GPR55: variants seen among roughly 807,000 people sequenced by gnomAD.
GPR55 encodes G-protein coupled receptor 55.
Under a neutral mutation model 7.9 loss-of-function variants are expected in GPR55, and 6 were observed. That is an observed-to-expected ratio of 0.76 (90% CI 0.41 to 1.49). The LOEUF (loss-of-function observed/expected upper bound fraction) is 1.49, where lower values mean the gene tolerates loss of function less well. Among genes scored for constraint, GPR55 ranks in the 40% most tolerant of loss-of-function variants. The probability of loss-of-function intolerance (pLI) is 0.01; values close to 1 mark genes in which losing one functional copy is unlikely to be tolerated. For synonymous variants in GPR55, 183 were observed against 166.8 expected (o/e 1.10, Z -0.75); for missense variants, 376 against 406.0 (o/e 0.93, Z 0.63).
chr2:230,919,975 G>A (rs878879115), intron 1 of GPR55, among the ~76,000 whole-genome samples: 1 of 145,156 alleles, frequency 6.9e-6, no homozygotes, highest in Non-Finnish European at 1.5e-5. Flanking sequence ...AAAAACCCAC[G>A]CATAGAGGGG....
At chr2:230,950,695 A>C (rs1016783198) in intron 1 of GPR55, among the ~76,000 whole-genome samples, 1 of 152,182 alleles carries the variant, frequency 6.6e-6, no homozygotes, top group Non-Finnish European at 1.5e-5. Flanking sequence ...CGGAACCCCC[A>C]TAGTCCCTGT....
intron 1 of GPR55, among the ~76,000 whole-genome samples, chr2:230,951,675 C>T (rs540046906): frequency 6.6e-6 from 1 of 152,106 alleles, no homozygotes; most frequent in South Asian, 2.1e-4. Flanking sequence ...GGGATCTTGA[C>T]AACTGAGGGT....
chr2:230,916,217 G>GA (rs1053229361), intron 1 of GPR55, among the ~76,000 whole-genome samples: 2 of 151,088 alleles, frequency 1.3e-5, no homozygotes, highest in Non-Finnish European at 3.0e-5. Context: ...CTCCAAAAAA[G>GA]AAAAAAAAAT....
At chr2:230,950,685 C>G (rs1476669846) in intron 1 of GPR55, among the ~76,000 whole-genome samples, 4 of 152,150 alleles carry the variant, frequency 2.6e-5, no homozygotes, top group African/African-American at 4.8e-5. Flanking sequence ...GTTTCTGGCT[C>G]GGAACCCCCA....
intron 1 of GPR55, among the ~76,000 whole-genome samples, chr2:230,951,130 CTTGAA>C (rs1374187748): frequency 3.9e-5 from 6 of 152,200 alleles, no homozygotes; most frequent in African/African-American, 1.4e-4. Flanking sequence ...GGAACCCCAA[CTTGAA>C]GTTGGTCGGT....
At chr2:230,952,464 G>T (rs930332613) in intron 1 of GPR55, among the ~76,000 whole-genome samples, 9 of 152,164 alleles carry the variant, frequency 5.9e-5, no homozygotes, top group African/African-American at 2.2e-4. Context: ...ATGTCCTGTT[G>T]TGTGATCTGG....
At chr2:230,943,001 T>TGAAGAGAAGA (rs10652349) in intron 1 of GPR55, among the ~76,000 whole-genome samples, 36 of 149,590 alleles carry the variant, frequency 2.4e-4, no homozygotes, top group African/African-American at 7.2e-4. Context: ...CCTTGTGACC[T>TGAAGAGAAGA]GAAGAGAAGA....
intron 1 of GPR55, among the ~76,000 whole-genome samples, chr2:230,915,399 G>A (rs1690686563): frequency 6.6e-6 from 1 of 152,192 alleles, no homozygotes. Context: ...AGGGATGGGT[G>A]GGTGCCTTCG....
At chr2:230,917,880 C>T (rs1197516126) in intron 1 of GPR55, among the ~76,000 whole-genome samples, 1 of 151,186 alleles carries the variant, frequency 6.6e-6, no homozygotes, top group African/African-American at 2.4e-5. Flanking sequence ...GTGAGAACTA[C>T]AAAACTAAAT....
intron 1 of GPR55, among the ~76,000 whole-genome samples, chr2:230,940,480 A>G (rs1691208754): frequency 6.6e-6 from 1 of 152,206 alleles, no homozygotes; most frequent in Non-Finnish European, 1.5e-5. Context: ...GAAGGCGCTT[A>G]TCAAGACTGA....
At position 230,910,443 on chromosome 2, in the gene GPR55, C is replaced by A. The variant is rs1690562431; in HGVS notation, c.520G>T (p.Asp174Tyr). ...AAGACCTTGGCGCTCCAGGTATCAT[C>A]AGACATGTTGTGGAAGCACATGTAT... ...EKYMCFHNMSDDTWSAKVFFP... is the reference protein window; with the variant it reads ...EKYMCFHNMSYDTWSAKVFFP... The change falls in exon 2 of 2, where the codon GAT becomes TAT. Residue 174 changes from aspartate (D) to tyrosine (Y), a missense_variant. By Grantham distance (160) the Asp-to-Tyr change is radical. Coordinates refer to ENST00000650999, the MANE Select transcript of GPR55 (RefSeq NM_005683.4). This position sits in a 1 kb window ranked among gnomAD's most constrained non-coding sequence, Gnocchi z 5.4. The A allele has an allele frequency of 6.2e-7, 1 of 1,613,772 alleles. No homozygotes were observed. The highest frequency in any genetic ancestry group is 1.3e-5 in the African/African-American group (1 of 74,908).
intron 1 of GPR55, among the ~76,000 whole-genome samples, chr2:230,939,767 T>C (rs77162101): frequency 0.024 from 3,712 of 152,062 alleles, 142 homozygotes; most frequent in African/African-American, 0.085. Context: ...GGAGATAGTG[T>C]GGAAGTTGAA....
chr2:230,956,485 A>T (rs78174946), intron 1 of GPR55, among the ~76,000 whole-genome samples: 10,438 of 152,224 alleles, frequency 0.069, 759 homozygotes, highest in East Asian at 0.4. Flanking sequence ...AATTTTTTTA[A>T]ATATCAAACT....
intron 1 of GPR55, among the ~76,000 whole-genome samples, chr2:230,956,998 A>G (rs1471460506): frequency 1.3e-5 from 2 of 152,048 alleles, no homozygotes; most frequent in African/African-American, 4.8e-5. Context: ...ACTGCCGCCA[A>G]TCAGAAGTAG....
chr2:230,937,188 G>A (rs1038265599), intron 1 of GPR55, among the ~76,000 whole-genome samples: 1 of 152,066 alleles, frequency 6.6e-6, no homozygotes, highest in Non-Finnish European at 1.5e-5. Flanking sequence ...GATTGCTTGA[G>A]GCCAGGAGTT....
upstream of GPR55, among the ~76,000 whole-genome samples, chr2:230,925,685 A>G (rs1338035440): frequency 6.6e-6 from 1 of 152,082 alleles, no homozygotes; most frequent in Non-Finnish European, 1.5e-5. Context: ...TGCCCACAGA[A>G]AGGAAAGGAA....
At chr2:230,916,746 A>C (rs1456128538) in intron 1 of GPR55, among the ~76,000 whole-genome samples, 1 of 152,112 alleles carries the variant, frequency 6.6e-6, no homozygotes, top group Non-Finnish European at 1.5e-5. Context: ...CAGATTCTTG[A>C]AAACCTTAAA....
intron 1 of GPR55, among the ~76,000 whole-genome samples, chr2:230,921,811 A>T (rs1690844126): frequency 6.6e-6 from 1 of 152,122 alleles, no homozygotes. Context: ...CTGAACTCGG[A>T]GGGGCTAGGG....
intron 1 of GPR55, among the ~76,000 whole-genome samples, chr2:230,935,986 G>A (rs1160762842): frequency 6.6e-6 from 1 of 152,200 alleles, no homozygotes; most frequent in Admixed American, 6.5e-5. Flanking sequence ...ATCAGCATGA[G>A]GGAGGAAGCT....
Sources: allele counts gnomAD v4.1 joint callset (sites outside exome capture counted in the v4.1 genomes callset), GRCh38; gene constraint gnomAD v4.1.1; non-coding constraint Gnocchi (gnomAD v3.1); transcripts MANE v1.5; gene names NCBI Gene and HGNC (gene_info 2026-07-23, HGNC 2026-07-21).